Variants in PTPRM observed in about 807,000 individuals in gnomAD.
PTPRM encodes receptor-type tyrosine-protein phosphatase mu.
Under a neutral mutation model 186.7 loss-of-function variants are expected in PTPRM, and 47 were observed. The ratio of observed to expected loss-of-function variants is 0.25; its 90% CI spans 0.20 to 0.32. The LOEUF (loss-of-function observed/expected upper bound fraction) is 0.32. Among genes scored for constraint, PTPRM ranks in the 10% least tolerant of loss-of-function variants. PTPRM has a pLI of 1.00. For missense variants in PTPRM, 1,494 were observed against 1,865.0 expected (o/e 0.80, Z 3.66); for synonymous variants, 668 against 674.9 (o/e 0.99, Z 0.16).
At chr18:7,753,488 C>T (rs761178431) in intron 1 of PTPRM, among the ~76,000 whole-genome samples, 1 of 152,032 alleles carries the variant, frequency 6.6e-6, no homozygotes, top group Non-Finnish European at 1.5e-5. Flanking sequence ...TTTTCTTTCT[C>T]GAAGCCTTAG....
chr18:7,824,755 A>G (rs1442812992), intron 2 of PTPRM, among the ~76,000 whole-genome samples: 2 of 152,168 alleles, frequency 1.3e-5, no homozygotes, highest in Non-Finnish European at 2.9e-5. Context: ...GGATGTGGTA[A>G]AACGAGAAAG....
In PTPRM at chr18:8,126,017, A is replaced by ATT. The variant is rs1456992081; in HGVS notation, c.2167+11191_2167+11192insTT. ...TATATATATATATATATATATATAT[A>ATT]TATATATATATTTTAAATCAGTAGA... is the stretch of plus-strand genomic sequence containing the variant. On this transcript the variant is annotated intron_variant, in intron 13 of 32. Transcript: ENST00000580170. Among the ~76,000 whole-genome samples, 90 of 29,026 alleles carry ATT rather than the reference A, an allele frequency of 3.1e-3. 4 individuals carry two copies. Among genetic ancestry groups the ATT allele is most frequent in the African/African-American group, 5.6e-3 (73 of 12,974 alleles). 19.0% of individuals were successfully genotyped at this position (29,026 alleles called of 152,430 possible).
chr18:7,569,322 C>T (rs887914506), intron 1 of PTPRM, among the ~76,000 whole-genome samples: 4 of 152,144 alleles, frequency 2.6e-5, no homozygotes, highest in African/African-American at 9.7e-5. Flanking sequence ...GGTTTTGAAA[C>T]CCAAAGCATC....
At chr18:7,910,749 G>A (rs185791998) in intron 4 of PTPRM, among the ~76,000 whole-genome samples, 2 of 152,306 alleles carry the variant, frequency 1.3e-5, no homozygotes, top group African/African-American at 4.8e-5. Context: ...ACCAGTCAGA[G>A]GTACTTTCAA....
chr18:8,262,662 A>C (rs910673566), intron 19 of PTPRM, among the ~76,000 whole-genome samples: 1 of 152,184 alleles, frequency 6.6e-6, no homozygotes, highest in East Asian at 1.9e-4. Context: ...TTCCCCCTAC[A>C]GTCTCACAGC....
chr18:8,116,835 T>C (rs546258364), intron 13 of PTPRM, among the ~76,000 whole-genome samples: 21 of 152,278 alleles, frequency 1.4e-4, no homozygotes, highest in East Asian at 5.8e-4. Flanking sequence ...GATGACCTGA[T>C]TGACTAAATA....
rs887312819 is a variant in PTPRM, at chr18:8,253,685, A to G, written c.2754+271A>G. ...GTTTTGCATCTCAAAGATATTATAT[A>G]TATTCTTTTCAATCCTCATTTGATT... On this transcript the variant is annotated intron_variant, in intron 19 of 32. Transcript: ENST00000580170. Among the ~76,000 whole-genome samples, 5 of 152,152 alleles carry G rather than the reference A, an allele frequency of 3.3e-5. 1 individual carries two copies. The highest frequency in any genetic ancestry group is 2.0e-4 in the Admixed American group (3 of 15,278).
At chr18:7,831,995 T>A (rs1882753861) in intron 2 of PTPRM, among the ~76,000 whole-genome samples, 1 of 152,222 alleles carries the variant, frequency 6.6e-6, no homozygotes, top group Non-Finnish European at 1.5e-5. Context: ...CCATTGTGTA[T>A]AAGTACCACG....
At position 7,567,962 on chromosome 18, in the gene PTPRM, C is replaced by A. The variant is rs1236619901; in HGVS notation, c.73+71C>A. ...CGGGACGCCCGGGACGCCGACAGCTCCCTGGTGGTAGAGCCCTAAGGCTGG... is the reference window on the plus strand; with the variant it reads ...CGGGACGCCCGGGACGCCGACAGCTACCTGGTGGTAGAGCCCTAAGGCTGG... On this transcript the variant is annotated intron_variant, in intron 1 of 32. Coordinates refer to ENST00000580170, the MANE Select transcript of PTPRM (RefSeq NM_001105244.2). The surrounding 1 kb of genome is among the most constrained non-coding windows in gnomAD (Gnocchi z 4.3). The A allele has an allele frequency of 6.9e-7, 1 of 1,447,050 alleles. No homozygotes were observed. Among genetic ancestry groups the A allele is most frequent in the Non-Finnish European group, 9.1e-7 (1 of 1,095,146 alleles). The allele number at this position is 1,447,050 out of a possible 1,614,324, so 89.6% of individuals were successfully genotyped here.
intron 2 of PTPRM, among the ~76,000 whole-genome samples, chr18:7,806,877 G>A (rs2044262924): frequency 6.6e-6 from 1 of 152,214 alleles, no homozygotes; most frequent in Admixed American, 6.5e-5. Context: ...TGGGAAGAAG[G>A]TTGCTTTTTG....
At chr18:7,598,932 T>C (rs1156750693) in intron 1 of PTPRM, among the ~76,000 whole-genome samples, 2 of 152,162 alleles carry the variant, frequency 1.3e-5, no homozygotes, top group African/African-American at 4.8e-5. Flanking sequence ...CAAGGATGCT[T>C]AAAGAGCTGA....
At chr18:8,070,910 T>A (rs2089435830) in intron 8 of PTPRM, among the ~76,000 whole-genome samples, 1 of 152,230 alleles carries the variant, frequency 6.6e-6, no homozygotes, top group South Asian at 2.1e-4. Context: ...TGACCATTGA[T>A]TAAATTGTGA....
intron 7 of PTPRM, among the ~76,000 whole-genome samples, chr18:7,977,511 G>A (rs1446935162): frequency 6.6e-6 from 1 of 152,140 alleles, no homozygotes. Context: ...GGAATATAGA[G>A]ATAGTGTCTC....
intron 1 of PTPRM, among the ~76,000 whole-genome samples, chr18:7,725,841 C>A (rs2040538079): frequency 6.6e-6 from 1 of 152,196 alleles, no homozygotes; most frequent in African/African-American, 2.4e-5. Context: ...CTCATTCCTT[C>A]TGGACGCCAG....
intron 1 of PTPRM, among the ~76,000 whole-genome samples, chr18:7,628,711 C>A (rs1006409746): frequency 2.0e-5 from 3 of 152,076 alleles, no homozygotes; most frequent in Non-Finnish European, 4.4e-5. Context: ...TAATTGAGGG[C>A]CCACCCTGTC....
intron 2 of PTPRM, among the ~76,000 whole-genome samples, chr18:7,824,443 G>T (rs988686674): frequency 6.6e-6 from 1 of 152,178 alleles, no homozygotes; most frequent in Admixed American, 6.5e-5. Context: ...GTGTGTGTGT[G>T]TGTTTTTTCC....
chr18:8,274,595 C>T (rs565668267), intron 19 of PTPRM, among the ~76,000 whole-genome samples: 3 of 151,058 alleles, frequency 2.0e-5, no homozygotes, highest in East Asian at 3.9e-4. Context: ...TCTTGGAAGG[C>T]CATTTTTCAG....
intron 14 of PTPRM, among the ~76,000 whole-genome samples, chr18:8,242,284 G>T (rs2094440596): frequency 6.6e-6 from 1 of 152,246 alleles, no homozygotes; most frequent in African/African-American, 2.4e-5. Context: ...TGGAGCTAAT[G>T]ATCTCAGTCC....
chr18:8,075,446 G>A (rs760217629), intron 8 of PTPRM, among the ~76,000 whole-genome samples: 4 of 151,978 alleles, frequency 2.6e-5, no homozygotes, highest in Non-Finnish European at 4.4e-5. Context: ...CAAAATATAT[G>A]CATATTTATA....
Sources: allele counts gnomAD v4.1 joint callset (sites outside exome capture counted in the v4.1 genomes callset), GRCh38; gene constraint gnomAD v4.1.1; non-coding constraint Gnocchi (gnomAD v3.1); transcripts MANE v1.5; gene names NCBI Gene and HGNC (gene_info 2026-07-23, HGNC 2026-07-21).